Variants in CD82 observed in about 807,000 individuals in gnomAD.
CD82 encodes CD82 molecule.
CD82 carries 36 observed loss-of-function variants against 37.4 expected under a neutral mutation model. That is an observed-to-expected ratio of 0.96 (90% confidence interval 0.74 to 1.27). CD82 has a LOEUF of 1.27. Ranked by LOEUF, CD82 falls within the 50% of genes most tolerant of loss-of-function variation. The probability of loss-of-function intolerance (pLI) is 0.00; values close to 1 mark genes in which losing one functional copy is unlikely to be tolerated. For missense variants in CD82, 340 were observed against 347.0 expected (o/e 0.98, Z 0.16); for synonymous variants, 158 against 137.4 (o/e 1.15, Z -1.05).
rs35015542 is a variant in CD82 at position 44,617,560 on chromosome 11, G to GAA, written c.439-581_439-580dup. 4.5e-4 allele frequency among the ~76,000 whole-genome samples: 40 copies of GAA among 88,622 alleles called. 1 individual carries two copies. Among genetic ancestry groups the GAA allele is most frequent in the African/African-American group, 9.7e-4 (21 of 21,612 alleles). The allele number at this position is 88,622 out of a possible 152,430, so 58.1% of individuals were successfully genotyped here. A position where few individuals can be genotyped will look rare whatever the true frequency, so the allele number is the denominator to read the frequency against. On this transcript the variant is annotated intron_variant, in intron 7 of 9. Coordinates refer to ENST00000227155, the MANE Select transcript of CD82 (RefSeq NM_002231.4). ...GGTGACTGAGCAAGACTCTGTCTCAGAAAAAAAAAAAAAAAAAAAAAAGGC... is the reference window on the plus strand; with the variant it reads ...GGTGACTGAGCAAGACTCTGTCTCAGAAAAAAAAAAAAAAAAAAAAAAAAGGC...
rs750718911 is a variant in CD82, at chr11:44,618,625, A to T, written c.643-15A>T. The T allele has an allele frequency of 5.9e-5, 95 of 1,603,990 alleles. 1 individual carries two copies. The East Asian group carries it at 2.1e-3, about 35-fold the overall frequency. On this transcript the variant is annotated splice_polypyrimidine_tract_variant and intron_variant, in intron 8 of 9. Coordinates refer to ENST00000227155, the MANE Select transcript of CD82 (RefSeq NM_002231.4). ...GTGCAGAGCGGGGTGATGTGACCGC[A>T]TTCTGCCCTTGCAGGGCTGCATGGA...
chr11:44,615,334 G>A lies in CD82; in HGVS notation c.399G>A (p.Glu133=). The change falls in exon 7 of 10, where the codon GAG becomes GAA. Residue 133 remains glutamate, a synonymous_variant. Coordinates refer to ENST00000227155, the MANE Select transcript of CD82 (RefSeq NM_002231.4). ...TTCGAGACTACAACAGCAGTCGCGA[G>A]GACAGCCTGCAGGATGCCTGGGACT... ...ELIRDYNSSR[E]DSLQDAWDYV... is the part of the protein sequence containing the mutation. The A allele has an allele frequency of 6.2e-7, 1 of 1,613,848 alleles. No individual in the cohort carries two copies. The highest frequency in any genetic ancestry group is 1.1e-5 in the South Asian group (1 of 91,080).
At chr11:44,571,045 TCCC>T (rs1486358505) in intron 1 of CD82, among the ~76,000 whole-genome samples, 3 of 152,170 alleles carry the variant, frequency 2.0e-5, no homozygotes, top group Non-Finnish European at 4.4e-5. Context: ...AACTTGACTT[TCCC>T]TGCTGTGTGG....
intron 4 of CD82, 110 bp downstream of exon 4, chr11:44,600,340 C>T: frequency 9.9e-7 from 1 of 1,011,964 alleles, no homozygotes; most frequent in Non-Finnish European, 1.5e-6. Flanking sequence ...GTTGCTTTTC[C>T]CGCTGACCTC....
intron 6 of CD82, among the ~76,000 whole-genome samples, chr11:44,612,726 G>A (rs1175874942): frequency 7.2e-6 from 1 of 139,288 alleles, no homozygotes; most frequent in Non-Finnish European, 1.5e-5. Flanking sequence ...TCCACCTCTC[G>A]GGTTCAAGCG....
At chr11:44,584,830 G>A (rs929345941) in intron 1 of CD82, among the ~76,000 whole-genome samples, 1 of 152,214 alleles carries the variant, frequency 6.6e-6, no homozygotes, top group East Asian at 1.9e-4. Flanking sequence ...AAACACAGCC[G>A]TCTGTGCCCA....
Position 44,569,603 on chromosome 11 carries a change from C to T in CD82, c.-103+3867C>T, listed in dbSNP as rs1337610710. On this transcript the variant is annotated intron_variant, in intron 1 of 9. Transcript: ENST00000227155. ...TTGCAAAGTAGGGCATGTCTGTGAA[C>T]ACCCACCCATACTCAGGCATGCGCA... is the stretch of plus-strand genomic sequence containing the variant. 2.0e-5 allele frequency among the ~76,000 whole-genome samples: 3 copies of T among 152,102 alleles called. No homozygotes were observed. The East Asian group carries it at 5.8e-4, about 29-fold the overall frequency.
At chr11:44,585,467 T>G (rs554638356) in intron 1 of CD82, among the ~76,000 whole-genome samples, 1 of 152,352 alleles carries the variant, frequency 6.6e-6, no homozygotes, top group South Asian at 2.1e-4. Context: ...ATGTGGCATC[T>G]TTATGCAGGA....
chr11:44,578,996 G>A (rs1326443569), intron 1 of CD82, among the ~76,000 whole-genome samples: 2 of 152,124 alleles, frequency 1.3e-5, no homozygotes, highest in Non-Finnish European at 2.9e-5. Flanking sequence ...TGTCTTAGCC[G>A]CTGCCAGCTG....
At chr11:44,615,087 G>A (rs1853541276) in intron 6 of CD82, among the ~76,000 whole-genome samples, 185 bp from the exon 7 acceptor site, 1 of 152,186 alleles carries the variant, frequency 6.6e-6, no homozygotes, top group African/African-American at 2.4e-5. Flanking sequence ...AGAAGAGATA[G>A]TGGGGCAGGA....
At chr11:44,601,706 CTA>C (rs1426164353) in intron 4 of CD82, among the ~76,000 whole-genome samples, 3 of 152,164 alleles carry the variant, frequency 2.0e-5, no homozygotes, top group African/African-American at 7.2e-5. Context: ...CCTTAAAGGT[CTA>C]CTATCTGCAG....
chr11:44,617,427 C>T (rs933100667), intron 7 of CD82, among the ~76,000 whole-genome samples: 2 of 152,000 alleles, frequency 1.3e-5, no homozygotes, highest in South Asian at 2.1e-4. Flanking sequence ...GGCGTGATGG[C>T]GAGTGCCTGT....
chr11:44,605,204 G>T, intron 5 of CD82, 22 bp downstream of exon 5: 1 of 1,610,602 alleles, frequency 6.2e-7, no homozygotes, highest in Non-Finnish European at 8.5e-7. Flanking sequence ...TCCCTCCGCA[G>T]CTGCCTGCCC....
At chr11:44,577,543 G>A (rs1413499609) in intron 1 of CD82, among the ~76,000 whole-genome samples, 1 of 152,146 alleles carries the variant, frequency 6.6e-6, no homozygotes, top group Non-Finnish European at 1.5e-5. Context: ...GGGTCTGGCA[G>A]GGCATGCAGC....
intron 2 of CD82, among the ~76,000 whole-genome samples, chr11:44,592,120 A>C (rs986990337): frequency 6.6e-6 from 1 of 152,066 alleles, no homozygotes; most frequent in Non-Finnish European, 1.5e-5. Flanking sequence ...TGCCCGGCCT[A>C]TACTTATTCT....
chr11:44,596,239 G>T (rs903069618), intron 3 of CD82, among the ~76,000 whole-genome samples: 1 of 152,262 alleles, frequency 6.6e-6, no homozygotes. Flanking sequence ...TTGGGAAGCA[G>T]CTGCCTGTGC....
intron 1 of CD82, chr11:44,585,099 C>T: frequency 9.3e-6 from 4 of 428,788 alleles, no homozygotes; most frequent in South Asian, 1.6e-5. Context: ...GGCAGAGGCT[C>T]CTCCTTCCTT....
At chr11:44,581,748 G>A (rs1852982385) in intron 1 of CD82, among the ~76,000 whole-genome samples, 2 of 152,216 alleles carry the variant, frequency 1.3e-5, no homozygotes, top group African/African-American at 4.8e-5. Flanking sequence ...CAGCCCCTCA[G>A]GCCCTCTGGA....
chr11:44,613,352 G>A (rs995298194), intron 6 of CD82, among the ~76,000 whole-genome samples: 2 of 152,250 alleles, frequency 1.3e-5, no homozygotes, highest in Non-Finnish European at 2.9e-5. Flanking sequence ...GGGAGGCCCT[G>A]CCCTCAGCGG....
Sources: gnomAD v4.1 joint callset for allele counts (sites outside exome capture counted in the v4.1 genomes callset) on GRCh38, gnomAD v4.1.1 for gene constraint, MANE v1.5 for transcripts, NCBI Gene and HGNC (gene_info 2026-07-23, HGNC 2026-07-21) for gene names.